Variants in DDX60 observed in about 807,000 individuals in gnomAD.
DDX60 encodes the protein probable ATP-dependent RNA helicase DDX60.
Under a neutral mutation model 212.8 loss-of-function variants are expected in DDX60, and 165 were observed. That is an observed-to-expected ratio of 0.78 (90% confidence interval 0.68 to 0.88). DDX60 has a LOEUF of 0.88. Ranked by LOEUF, DDX60 falls within the 40% of genes least tolerant of loss-of-function variation. The pLI, the probability that DDX60 is intolerant of heterozygous loss-of-function variation, is 0.00. For missense variants in DDX60, 1,905 were observed against 2,003.9 expected (o/e 0.95, Z 0.94); for synonymous variants, 703 against 685.3 (o/e 1.03, Z -0.40).
At position 168,297,958 on chromosome 4, in the gene DDX60, AAAT is replaced by A. The variant is rs1194045373; in HGVS notation, c.724-4016_724-4014del. 2.4e-4 allele frequency among the ~76,000 whole-genome samples: 37 copies of A among 151,358 alleles called. 1 individual carries two copies. In the South Asian group the frequency reaches 2.9e-3, roughly 12 times the overall value. On this transcript the variant is annotated intron_variant, in intron 6 of 37. Coordinates refer to ENST00000393743, the MANE Select transcript of DDX60 (RefSeq NM_017631.6). Reference sequence around the variant, plus strand: ...TTTAATAATAAAATTAATATTTTTAAAATAATAATCCTAGAAAACCCACTATAC... The same window carrying A: ...TTTAATAATAAAATTAATATTTTTAAAATAATCCTAGAAAACCCACTATAC...
intron 6 of DDX60, among the ~76,000 whole-genome samples, chr4:168,296,732 T>A (rs2149539716): frequency 6.6e-6 from 1 of 151,772 alleles, no homozygotes; most frequent in South Asian, 2.1e-4. Flanking sequence ...GGAAAAAAAA[T>A]TCACACAAAT....
intron 37 of DDX60, among the ~76,000 whole-genome samples, chr4:168,217,626 G>A (rs544078592): frequency 6.8e-6 from 1 of 147,772 alleles, no homozygotes; most frequent in South Asian, 2.1e-4. Context: ...CTGACCTTGA[G>A]ATAGGAAAAT....
intron 6 of DDX60, among the ~76,000 whole-genome samples, chr4:168,296,047 G>A (rs1296729950): frequency 6.6e-6 from 1 of 152,046 alleles, no homozygotes; most frequent in African/African-American, 2.4e-5. Flanking sequence ...CAAACTTTCA[G>A]ATAAAAAAGA....
At chr4:168,250,813 T>C in intron 28 of DDX60, 141 bp downstream of exon 28, 1 of 684,502 alleles carries the variant, frequency 1.5e-6, no homozygotes, top group East Asian at 2.9e-5. Context: ...GTATGACCCA[T>C]CACGCCCGGC....
Position 168,267,882 on chromosome 4 carries a change from T to G in DDX60, c.2888A>C (p.Lys963Thr), listed in dbSNP as rs201367217. 247 of 1,613,408 alleles carry G rather than the reference T, an allele frequency of 1.5e-4. No individual in the cohort carries two copies. The highest frequency in any genetic ancestry group is 2.0e-4 in the Non-Finnish European group (236 of 1,179,704). The part of the protein sequence containing the change: ...RHVGRQAGFP[K>T]DYLQVKQSYK... ...CGATTGTTTTACTTGCAAGTAGTCT[T>G]TGGGAAAGCCGGCCTGACGACCCAC... The change falls in exon 21 of 38, where the codon AAA becomes ACA. Residue 963 changes from lysine (K) to threonine (T), a missense_variant. Transcript: ENST00000393743.
At chr4:168,220,436 C>T (rs1016216879) in intron 37 of DDX60, 9 of 363,286 alleles carry the variant, frequency 2.5e-5, no homozygotes, top group South Asian at 6.6e-5. Context: ...CTGGATGAAA[C>T]TTCATCTCAA....
chr4:168,288,337 A>C (rs758537152), intron 8 of DDX60, 22 bp from the exon 9 acceptor site: 11 of 1,433,562 alleles, frequency 7.7e-6, no homozygotes, highest in Non-Finnish European at 9.6e-6. Flanking sequence ...AAAGAAAACC[A>C]AGTTATTGGC....
chr4:168,279,153 A>C (rs958223693), intron 14 of DDX60, among the ~76,000 whole-genome samples: 21 of 152,210 alleles, frequency 1.4e-4, no homozygotes, highest in Non-Finnish European at 3.1e-4. Context: ...CTCAAAAACA[A>C]AAGCAAAAAT....
intron 33 of DDX60, among the ~76,000 whole-genome samples, chr4:168,230,312 A>T (rs1260492719): frequency 6.6e-6 from 1 of 152,160 alleles, no homozygotes; most frequent in Non-Finnish European, 1.5e-5. Context: ...ACAGGTCATA[A>T]AGACAGAAAG....
In DDX60 at chr4:168,306,372, G is replaced by A. The variant is rs1736874399; in HGVS notation, c.606+7C>T. ...CTAGAAGAAATTGTCTTTTGGATGT[G>A]AATTACCTTCCAGGAAAAAATCTGG... On this transcript the variant is annotated splice_region_variant and intron_variant, in intron 5 of 37. Transcript: ENST00000393743. The A allele has an allele frequency of 6.3e-7, 1 of 1,581,552 alleles. No individual in the cohort carries two copies. Among genetic ancestry groups the A allele is most frequent in the Non-Finnish European group, 8.6e-7 (1 of 1,162,392 alleles).
intron 35 of DDX60, among the ~76,000 whole-genome samples, chr4:168,222,113 C>T (rs193274953): frequency 1.3e-5 from 2 of 152,204 alleles, no homozygotes; most frequent in Non-Finnish European, 2.9e-5. Flanking sequence ...ATACCAATGG[C>T]ACTTTCAACC....
chr4:168,252,355 G>A (rs1322092154), intron 27 of DDX60, among the ~76,000 whole-genome samples, 154 bp downstream of exon 27: 1 of 152,192 alleles, frequency 6.6e-6, no homozygotes, highest in Admixed American at 6.5e-5. Flanking sequence ...GCATTCAAGA[G>A]TGATATGTAG....
chr4:168,271,382 A>C (rs2149518619), intron 19 of DDX60, among the ~76,000 whole-genome samples: 1 of 152,332 alleles, frequency 6.6e-6, no homozygotes, highest in African/African-American at 2.4e-5. Flanking sequence ...AGATCAGAAG[A>C]AGTGGGGAGA....
At position 168,237,427 on chromosome 4, in the gene DDX60, C is replaced by A; in HGVS notation, c.4270G>T (p.Gly1424Cys). 6.4e-7 allele frequency: 1 copy of A among 1,550,746 alleles called. No homozygotes were observed. The highest frequency in any genetic ancestry group is 2.1e-5 in the Admixed American group (1 of 47,446). Residue 1424 changes from glycine (G) to cysteine (C), a missense_variant and splice_region_variant, in exon 32 of 38, where the codon GGC (glycine) becomes TGC (cysteine). Physicochemically the swap from Gly to Cys is radical, Grantham distance 159. Transcript: ENST00000393743. Reference sequence around the variant, plus strand: ...GGATTACCTTCTTGATCTAAATAGCCCTAAAGAACAAAAAACAATTTATTA... The same window carrying A: ...GGATTACCTTCTTGATCTAAATAGCACTAAAGAACAAAAAACAATTTATTA... Reference protein sequence around the residue: ...LFSLQFLVKEGYLDQEGNPMG... With the variant: ...LFSLQFLVKECYLDQEGNPMG...
Position 168,267,879 on chromosome 4 carries a change from T to C in DDX60, c.2891A>G (p.Asp964Gly), listed in dbSNP as rs775171939. ...ATACGATTGTTTTACTTGCAAGTAG[T>C]CTTTGGGAAAGCCGGCCTGACGACC... ...HVGRQAGFPKDYLQVKQSYKV... is the reference protein window; with the variant it reads ...HVGRQAGFPKGYLQVKQSYKV... Residue 964 changes from aspartate (D) to glycine (G), a missense_variant, in exon 21 of 38, where the codon GAC (aspartate) becomes GGC (glycine). Asp to Gly is a moderately conservative substitution (Grantham distance 94). Transcript: ENST00000393743. 15 of 1,613,306 alleles carry C rather than the reference T, an allele frequency of 9.3e-6. No homozygotes were observed. In the Admixed American group the frequency reaches 1.8e-4, roughly 20 times the overall value.
intron 22 of DDX60, among the ~76,000 whole-genome samples, chr4:168,266,088 G>T (rs1330856875): frequency 2.0e-5 from 3 of 152,120 alleles, no homozygotes; most frequent in African/African-American, 4.8e-5. Context: ...ATTACCATCA[G>T]CCAGCTTGCT....
At chr4:168,283,162 T>C (rs1378363011) in intron 13 of DDX60, among the ~76,000 whole-genome samples, 1 of 152,160 alleles carries the variant, frequency 6.6e-6, no homozygotes, top group African/African-American at 2.4e-5. Flanking sequence ...ACAACTATAT[T>C]TTTAACGTTA....
At position 168,283,541 on chromosome 4, in the gene DDX60, C is replaced by T; in HGVS notation, c.1627G>A (p.Gly543Arg). Residue 543 changes from glycine (G) to arginine (R), a missense_variant, in exon 13 of 38, where the codon GGG becomes AGG. Physicochemically the swap from Gly to Arg is moderately radical, Grantham distance 125 (BLOSUM62 -2). Coordinates refer to ENST00000393743, the MANE Select transcript of DDX60 (RefSeq NM_017631.6). ...GAAGAGACTGTTTCTAATGAATTCC[C>T]ATAAAACCGTTGGAAAACATGATAC... is the stretch of plus-strand genomic sequence containing the variant. ...QKYHVFQRFY[G>R]NSLETVSSKI... 6.2e-7 allele frequency: 1 copy of T among 1,613,246 alleles called. No individual in the cohort carries two copies.
chr4:168,220,489 G>T, intron 37 of DDX60, 166 bp downstream of exon 37: 2 of 499,838 alleles, frequency 4.0e-6, no homozygotes, highest in South Asian at 2.5e-5. Context: ...AATACAACAC[G>T]TGTTGAACAG....
Sources: allele counts gnomAD v4.1 joint callset (sites outside exome capture counted in the v4.1 genomes callset), GRCh38; gene constraint gnomAD v4.1.1; transcripts MANE v1.5; gene names NCBI Gene and HGNC (gene_info 2026-07-23, HGNC 2026-07-21).